GTF2H3: variants seen among roughly 807,000 people sequenced by gnomAD.
GTF2H3 encodes the protein general transcription factor IIH subunit 3, also known as TFIIH basal transcription factor complex p34 subunit.
In GTF2H3, 42 loss-of-function variants were observed where a neutral mutation model predicts 51.1. The ratio of observed to expected loss-of-function variants is 0.82; its 90% CI spans 0.64 to 1.06. GTF2H3 has a LOEUF of 1.06. GTF2H3 is among the 50% of genes least tolerant of loss of function. GTF2H3 has a pLI of 0.00. For missense variants in GTF2H3, 326 were observed against 366.1 expected (o/e 0.89, Z 0.89); for synonymous variants, 123 against 123.8 (o/e 0.99, Z 0.04).
intron 2 of GTF2H3, chr12:123,640,027 T>A (rs775675964): frequency 2.6e-4 from 119 of 450,582 alleles, no homozygotes; most frequent in South Asian, 1.8e-3. Flanking sequence ...CTCAGCTAAT[T>A]GTTTGTATTT....
intron 9 of GTF2H3, among the ~76,000 whole-genome samples, chr12:123,658,381 C>T (rs1029190299): frequency 1.3e-5 from 2 of 152,144 alleles, no homozygotes; most frequent in Non-Finnish European, 2.9e-5. Context: ...CTACGCCCAG[C>T]TAATTTTTGT....
At chr12:123,660,115 T>A (rs1262302334) in intron 12 of GTF2H3, 33 bp downstream of exon 12, 1 of 1,608,186 alleles carries the variant, frequency 6.2e-7, no homozygotes, top group South Asian at 1.1e-5. Context: ...GGGTGGCTAA[T>A]ACTTCACAGC....
At chr12:123,636,658 C>T (rs1955288212) in intron 1 of GTF2H3, among the ~76,000 whole-genome samples, 2 of 152,224 alleles carry the variant, frequency 1.3e-5, no homozygotes, top group Non-Finnish European at 2.9e-5. Context: ...TGGCTCATGC[C>T]TGTAATCCCA....
rs1470519598 is a variant in GTF2H3 at position 123,660,076 on chromosome 12, C to T, written c.851C>T (p.Thr284Met). The T allele has an allele frequency of 5.6e-6, 9 of 1,607,284 alleles. No individual in the cohort carries two copies. The highest frequency in any genetic ancestry group is 1.3e-5 in the African/African-American group (1 of 74,258). The change falls in exon 12 of 13, where the codon ACG (threonine) becomes ATG (methionine). Residue 284 changes from threonine (T) to methionine (M), a missense_variant. Thr to Met is a moderately conservative substitution (Grantham distance 81, BLOSUM62 -1). Coordinates refer to ENST00000543341, the MANE Select transcript of GTF2H3 (RefSeq NM_001516.5). ...IFCNFSPICTTCETAFKISLP... is the reference protein window; with the variant it reads ...IFCNFSPICTMCETAFKISLP... ...TGCAATTTCAGCCCCATTTGTACTACGTGCGAGTAAGTATCTTTGAGATTG... is the reference window on the plus strand; with the variant it reads ...TGCAATTTCAGCCCCATTTGTACTATGTGCGAGTAAGTATCTTTGAGATTG...
intron 2 of GTF2H3, among the ~76,000 whole-genome samples, chr12:123,640,909 C>T (rs1034419545): frequency 1.3e-5 from 2 of 152,084 alleles, no homozygotes; most frequent in Non-Finnish European, 2.9e-5. Context: ...GACCTCTGGC[C>T]GATTGTGTGG....
intron 9 of GTF2H3, among the ~76,000 whole-genome samples, chr12:123,658,109 A>G (rs1407480727): frequency 6.6e-6 from 1 of 151,940 alleles, no homozygotes; most frequent in Non-Finnish European, 1.5e-5. Context: ...CCAGGCTGGA[A>G]TGCAGTGGCA....
rs976952172 is a variant in GTF2H3, at chr12:123,655,921, T to C, written c.615+97T>C. The C allele has an allele frequency of 4.0e-6, 3 of 750,136 alleles. No individual in the cohort carries two copies. The African/African-American group carries it at 5.3e-5, about 13-fold the overall frequency. The allele number at this position is 750,136 out of a possible 1,614,324, so 46.5% of individuals were successfully genotyped here. On this transcript the variant is annotated intron_variant, in intron 9 of 12. Transcript: ENST00000543341. ...AATGAAAGCTTTGGGTATATTGGGT[T>C]AAATAAAATATGTTATTCAGCCTAA...
At position 123,655,107 on chromosome 12, in the gene GTF2H3, G is replaced by C. The variant is rs888253645; in HGVS notation, c.561+109G>C. 1.5e-5 allele frequency: 12 copies of C among 818,380 alleles called. No homozygotes were observed. The African/African-American group carries it at 2.0e-4, about 14-fold the overall frequency. 50.7% of individuals were successfully genotyped at this position (818,380 alleles called of 1,614,324 possible). On this transcript the variant is annotated intron_variant, in intron 8 of 12. Coordinates refer to ENST00000543341, the MANE Select transcript of GTF2H3 (RefSeq NM_001516.5). ...TTCTGACTACGTAGGCTTATGAATG[G>C]GCAAGGAATCCAGAATCTGTATTAT...
chr12:123,648,309 G>A (rs11572962), intron 4 of GTF2H3, 183 bp downstream of exon 4: 8,003 of 452,264 alleles, frequency 0.018, 111 homozygotes, highest in South Asian at 0.04. Context: ...ACGCTGCTGA[G>A]CAGCCTTTAC....
intron 2 of GTF2H3, among the ~76,000 whole-genome samples, chr12:123,640,590 G>A (rs1421184897): frequency 6.6e-6 from 1 of 151,874 alleles, no homozygotes; most frequent in Non-Finnish European, 1.5e-5. Flanking sequence ...TGCCTACCTC[G>A]GCCTCCCAAA....
At position 123,633,899 on chromosome 12, in the gene GTF2H3, G is replaced by A. The variant is rs1468711241; in HGVS notation, c.13+27G>A. The A allele has an allele frequency of 3.7e-6, 6 of 1,612,454 alleles. 1 individual carries two copies. The highest frequency in any genetic ancestry group is 3.4e-6 in the Non-Finnish European group (4 of 1,179,190). Reference sequence around the variant, plus strand: ...TGAGGACCCTGCAGGGCGGGACTTCGACTCCGGGGCTCGGCTGTCTCGGTC... The same window carrying A: ...TGAGGACCCTGCAGGGCGGGACTTCAACTCCGGGGCTCGGCTGTCTCGGTC... On this transcript the variant is annotated intron_variant, in intron 1 of 12. Coordinates refer to ENST00000543341, the MANE Select transcript of GTF2H3 (RefSeq NM_001516.5).
chr12:123,660,378 C>T lies in GTF2H3; in HGVS notation c.*143C>T. The T allele has an allele frequency of 1.7e-6, 1 of 582,368 alleles. No individual in the cohort carries two copies. Among genetic ancestry groups the T allele is most frequent in the Non-Finnish European group, 2.9e-6 (1 of 339,128 alleles). 36.1% of individuals were successfully genotyped at this position (582,368 alleles called of 1,614,324 possible). A position where few individuals can be genotyped will look rare whatever the true frequency, so the allele number is the denominator to read the frequency against. The stretch of plus-strand genomic sequence containing the variant: ...TTACAGAAAATATTTCCCAAACATC[C>T]TTTTCATCCTGTGCTTCTGGAGGAC... On this transcript the variant is annotated 3_prime_UTR_variant, in exon 13 of 13. Transcript: ENST00000543341.
intron 1 of GTF2H3, among the ~76,000 whole-genome samples, chr12:123,636,271 T>C (rs930945199): frequency 7.9e-5 from 12 of 152,310 alleles, no homozygotes; most frequent in African/African-American, 2.6e-4. Context: ...ATTCCGGTGC[T>C]TAGTGCAGAG....
At chr12:123,651,495 G>A (rs1374010430) in intron 5 of GTF2H3, among the ~76,000 whole-genome samples, 6 of 151,922 alleles carry the variant, frequency 3.9e-5, no homozygotes, top group Non-Finnish European at 8.8e-5. Flanking sequence ...ACAGGCCACA[G>A]TGTGTGGCTG....
intron 1 of GTF2H3, among the ~76,000 whole-genome samples, chr12:123,638,440 G>A (rs138152147): frequency 1.3e-5 from 2 of 152,034 alleles, no homozygotes; most frequent in African/African-American, 4.8e-5. Context: ...CAAAATGCTG[G>A]GATCACAGGC....
chr12:123,638,925 A>G (rs1438065735), intron 1 of GTF2H3, among the ~76,000 whole-genome samples: 1 of 150,064 alleles, frequency 6.7e-6, no homozygotes, highest in Non-Finnish European at 1.5e-5. Context: ...CCTCCCGAGT[A>G]GCTGGGACTA....
At chr12:123,645,843 A>G (rs1367462500) in intron 3 of GTF2H3, among the ~76,000 whole-genome samples, 2 of 152,356 alleles carry the variant, frequency 1.3e-5, no homozygotes, top group Admixed American at 1.3e-4. Flanking sequence ...CAAATCGGAC[A>G]GCTACTTTCC....
intron 1 of GTF2H3, among the ~76,000 whole-genome samples, chr12:123,634,088 C>G (rs1172259938): frequency 3.9e-5 from 6 of 152,194 alleles, no homozygotes; most frequent in African/African-American, 1.4e-4. Flanking sequence ...TCGTGACAGA[C>G]AGGGGCCTTA....
intron 2 of GTF2H3, chr12:123,640,019 C>T (rs770017800): frequency 1.1e-5 from 5 of 452,102 alleles, no homozygotes; most frequent in South Asian, 6.2e-5. Context: ...CCACCATGCT[C>T]AGCTAATTGT....
Sources: allele counts gnomAD v4.1 joint callset (sites outside exome capture counted in the v4.1 genomes callset), GRCh38; gene constraint gnomAD v4.1.1; transcripts MANE v1.5; gene names NCBI Gene and HGNC (gene_info 2026-07-23, HGNC 2026-07-21).